Variants in EDRF1 observed in about 807,000 individuals in gnomAD.
The protein encoded by EDRF1 is erythroid differentiation regulatory factor 1.
Under a neutral mutation model 148.7 loss-of-function variants are expected in EDRF1, and 69 were observed. That is an observed-to-expected ratio of 0.46 (90% confidence interval 0.38 to 0.57). The LOEUF (loss-of-function observed/expected upper bound fraction) is 0.57, where lower values mean the gene tolerates loss of function less well. Among genes scored for constraint, EDRF1 ranks in the 20% least tolerant of loss-of-function variants. The pLI is 0.00. For synonymous variants in EDRF1, 515 were observed against 532.8 expected (o/e 0.97, Z 0.46); for missense variants, 1,118 against 1,478.7 (o/e 0.76, Z 4.00).
At chr10:125,742,258 A>G (rs1564743792) in intron 17 of EDRF1, 3 of 1,289,398 alleles carry the variant, frequency 2.3e-6, no homozygotes, top group African/African-American at 1.5e-5. Flanking sequence ...GATCCGCAGC[A>G]GCGATATCCC....
At chr10:125,754,898 AT>A (rs1346906536) in intron 24 of EDRF1, among the ~76,000 whole-genome samples, 1 of 152,094 alleles carries the variant, frequency 6.6e-6, no homozygotes, top group African/African-American at 2.4e-5. Flanking sequence ...TTGTCTGTTT[AT>A]TTTTTTATGT....
At chr10:125,761,249 C>T (rs1850180621) in intron 24 of EDRF1, 1 of 405,918 alleles carries the variant, frequency 2.5e-6, no homozygotes, top group Non-Finnish European at 4.9e-6. Flanking sequence ...ATTTCATCAT[C>T]ATATGACAAC....
chr10:125,734,383 A>G (rs1848629680), intron 12 of EDRF1, among the ~76,000 whole-genome samples, 200 bp downstream of exon 12: 1 of 152,156 alleles, frequency 6.6e-6, no homozygotes, highest in Non-Finnish European at 1.5e-5. Flanking sequence ...TACACACTGA[A>G]TTTTGAAGAT....
At chr10:125,732,451 C>T (rs1848521582) in intron 9 of EDRF1, among the ~76,000 whole-genome samples, 1 of 152,102 alleles carries the variant, frequency 6.6e-6, no homozygotes, top group Non-Finnish European at 1.5e-5. Flanking sequence ...TTTGAAGTTG[C>T]AGCCATTAGA....
At position 125,742,538 on chromosome 10, in the gene EDRF1, A is replaced by G. The variant is rs542702857; in HGVS notation, c.2372-520A>G. 3.0e-6 allele frequency: 3 copies of G among 985,402 alleles called. No homozygotes were observed. The South Asian group carries it at 1.4e-4, about 46-fold the overall frequency. The allele number at this position is 985,402 out of a possible 1,614,324, so 61.0% of individuals were successfully genotyped here. A position where few individuals can be genotyped will look rare whatever the true frequency, so the allele number is the denominator to read the frequency against. Reference sequence around the variant, plus strand: ...CTCTCTCCGTCTTTCTCAAATAATCATGTTTTAATGTAGTAGGAAAGTCCT... The same window carrying G: ...CTCTCTCCGTCTTTCTCAAATAATCGTGTTTTAATGTAGTAGGAAAGTCCT... On this transcript the variant is annotated intron_variant, in intron 17 of 24. Coordinates refer to ENST00000356792, the MANE Select transcript of EDRF1 (RefSeq NM_001202438.2).
intron 7 of EDRF1, 122 bp from the exon 8 acceptor site, chr10:125,729,236 A>G: frequency 6.8e-7 from 1 of 1,463,648 alleles, no homozygotes; most frequent in Non-Finnish European, 9.4e-7. Context: ...CATCTTTGTG[A>G]TCTTAGCTCT....
At position 125,747,569 on chromosome 10, in the gene EDRF1, T is replaced by C. The variant is rs2133742596; in HGVS notation, c.2848T>C (p.Leu950=). 6.2e-7 allele frequency: 1 copy of C among 1,614,182 alleles called. No homozygotes were observed. The highest frequency in any genetic ancestry group is 1.1e-5 in the South Asian group (1 of 91,082). ...IDYYLKALRS[L]GTRDIHPAVW... The stretch of plus-strand genomic sequence containing the variant: ...TTACTATTTGAAAGCGCTAAGGTCA[T>C]TGGGAACACGAGACATACACCCAGC... Residue 950 remains leucine (L), a synonymous_variant, in exon 20 of 25, where the codon TTG becomes CTG. Coordinates refer to ENST00000356792, the MANE Select transcript of EDRF1 (RefSeq NM_001202438.2).
rs1053027179 is a variant in EDRF1, at chr10:125,745,526, T to C, written c.2591-181T>C. ...TAGGGCTTCAACATATGAACTCATATGGACACGTTTACCTTCATGTAACAG... is the reference window on the plus strand; with the variant it reads ...TAGGGCTTCAACATATGAACTCATACGGACACGTTTACCTTCATGTAACAG... On this transcript the variant is annotated intron_variant, in intron 18 of 24. Coordinates refer to ENST00000356792, the MANE Select transcript of EDRF1 (RefSeq NM_001202438.2). The C allele has an allele frequency of 2.5e-5, 16 of 646,936 alleles. No individual in the cohort carries two copies. In the African/African-American group the frequency reaches 2.7e-4, roughly 11 times the overall value. 40.1% of individuals were successfully genotyped at this position (646,936 alleles called of 1,614,324 possible).
chr10:125,758,155 G>A (rs1284378718), intron 24 of EDRF1, among the ~76,000 whole-genome samples: 1 of 152,132 alleles, frequency 6.6e-6, no homozygotes, highest in Admixed American at 6.5e-5. Context: ...CTTTGTCTCT[G>A]TTACAATGTT....
At chr10:125,741,651 AAAGT>A (rs1434137283) in intron 17 of EDRF1, 1 of 181,136 alleles carries the variant, frequency 5.5e-6, no homozygotes, top group Non-Finnish European at 1.2e-5. Context: ...AACTAAATAT[AAAGT>A]AAGATATGAA....
chr10:125,719,966 C>T (rs1464385185), intron 1 of EDRF1, 51 bp downstream of exon 1: 9 of 1,539,708 alleles, frequency 5.8e-6, no homozygotes, highest in Non-Finnish European at 8.0e-6. Context: ...GCGGAGGACC[C>T]GCTCCACCGG....
intron 13 of EDRF1, among the ~76,000 whole-genome samples, chr10:125,736,273 G>C (rs994115793): frequency 6.6e-6 from 1 of 152,124 alleles, no homozygotes; most frequent in Non-Finnish European, 1.5e-5. Context: ...AGTAGAGAAG[G>C]GGGTGGCTCT....
chr10:125,741,658 G>C (rs1326291032), intron 17 of EDRF1: 1 of 177,450 alleles, frequency 5.6e-6, no homozygotes, highest in Non-Finnish European at 1.2e-5. Context: ...TATAAAGTAA[G>C]ATATGAAGAC....
chr10:125,720,269 A>G (rs944485700), intron 1 of EDRF1, among the ~76,000 whole-genome samples: 2 of 152,208 alleles, frequency 1.3e-5, no homozygotes, highest in Non-Finnish European at 2.9e-5. Flanking sequence ...AATGTTTGCC[A>G]TGCAGAAGAG....
At chr10:125,760,225 CAAGATGGT>C (rs1850130890) in intron 24 of EDRF1, among the ~76,000 whole-genome samples, 1 of 152,126 alleles carries the variant, frequency 6.6e-6, no homozygotes, top group Non-Finnish European at 1.5e-5. Context: ...TTGGTTTCCA[CAAGATGGT>C]AATATAAATA....
Position 125,741,147 on chromosome 10 carries a change from A to G in EDRF1, c.2317A>G (p.Thr773Ala). Residue 773 changes from threonine (T) to alanine (A), a missense_variant, in exon 17 of 25, where the codon ACA (threonine) becomes GCA (alanine). Thr to Ala is a moderately conservative substitution (Grantham distance 58, BLOSUM62 0). Around this residue, in one of 3 missense-constraint regions of EDRF1, gnomAD observed 954 missense variants for 1,241.4 expected, o/e 0.77. Transcript: ENST00000356792. The stretch of plus-strand genomic sequence containing the variant: ...ACACCTTGAAGAGTTTCATTACCAA[A>G]CAAAAGAAGACCAGGAGATCCTGCA... ...AAHLEEFHYQ[T>A]KEDQEILHSL... The G allele has an allele frequency of 6.2e-7, 1 of 1,614,158 alleles. No homozygotes were observed. The highest frequency in any genetic ancestry group is 8.5e-7 in the Non-Finnish European group (1 of 1,180,030).
intron 24 of EDRF1, among the ~76,000 whole-genome samples, chr10:125,754,892 CTGTT>C (rs1264762320): frequency 6.6e-6 from 1 of 152,072 alleles, no homozygotes; most frequent in Non-Finnish European, 1.5e-5. Flanking sequence ...TCATTTTTGT[CTGTT>C]TATTTTTTTA....
Position 125,733,870 on chromosome 10 carries a change from C to T in EDRF1, c.1385+127C>T, listed in dbSNP as rs1000275734. 8.8e-5 allele frequency: 83 copies of T among 945,012 alleles called. No homozygotes were observed. In the East Asian group the frequency reaches 1.1e-3, roughly 12 times the overall value. The allele number at this position is 945,012 out of a possible 1,614,324, so 58.5% of individuals were successfully genotyped here. On this transcript the variant is annotated intron_variant, in intron 11 of 24. Transcript: ENST00000356792. ...TTTTCATAGTAGGGGGAAAAATACA[C>T]GTACACATTGTACCAAATATTACTC...
At position 125,749,558 on chromosome 10, in the gene EDRF1, G is replaced by A; in HGVS notation, c.3270G>A (p.Gln1090=). 6.2e-7 allele frequency: 1 copy of A among 1,614,062 alleles called. No individual in the cohort carries two copies. The highest frequency in any genetic ancestry group is 2.2e-5 in the East Asian group (1 of 44,884). Residue 1090 remains glutamine, a synonymous_variant, in exon 22 of 25, where the codon CAG becomes CAA. Coordinates refer to ENST00000356792, the MANE Select transcript of EDRF1 (RefSeq NM_001202438.2). ...AGAGAGTAGCATTTGCTGAATTTCA[G>A]ATGACCAGTAAGTCTTAATTTTCAT... ...QLERVAFAEF[Q]MTSQNSNVGK...
Sources: gnomAD v4.1 joint callset for allele counts (sites outside exome capture counted in the v4.1 genomes callset) on GRCh38, gnomAD v4.1.1 for gene constraint, gnomAD v4.1.1 regional missense constraint, MANE v1.5 for transcripts, NCBI Gene and HGNC (gene_info 2026-07-23, HGNC 2026-07-21) for gene names.